The following STXBP5L variants were observed in gnomAD, a reference collection of about 807,000 sequenced individuals.
The protein encoded by STXBP5L is syntaxin binding protein 5L.
A neutral mutation model predicts 144.5 loss-of-function variants in STXBP5L; 65 were observed. The observed-to-expected ratio is 0.45, with a 90% CI of 0.37 to 0.55. The LOEUF is 0.55. Ranked by LOEUF, STXBP5L falls within the 20% of genes least tolerant of loss-of-function variation. The pLI, the probability that STXBP5L is intolerant of heterozygous loss-of-function variation, is 0.00. For missense variants in STXBP5L, 1,298 were observed against 1,405.5 expected, an observed-to-expected ratio of 0.92 and a Z score of 1.22; for synonymous variants, 505 against 469.6, an observed-to-expected ratio of 1.08 and a Z score of -0.97.
intron 19 of STXBP5L, among the ~76,000 whole-genome samples, chr3:121,303,864 C>A (rs1243413520): frequency 6.6e-6 from 1 of 151,638 alleles, no homozygotes; most frequent in Admixed American, 6.6e-5. Flanking sequence ...AACATCACAC[C>A]CCGGGGCCTG....
chr3:121,005,513 C>G (rs1944213906), intron 3 of STXBP5L, among the ~76,000 whole-genome samples: 1 of 152,116 alleles, frequency 6.6e-6, no homozygotes, highest in Admixed American at 6.6e-5. Flanking sequence ...CTCCTGGATT[C>G]ATTGATGTTT....
At chr3:121,074,959 G>T (rs995224669) in intron 5 of STXBP5L, among the ~76,000 whole-genome samples, 40 of 152,086 alleles carry the variant, frequency 2.6e-4, no homozygotes, top group Admixed American at 9.2e-4. Flanking sequence ...TTAGACAATG[G>T]CCCAATCGCT....
chr3:121,265,787 GAT>G (rs2050543793), intron 18 of STXBP5L, among the ~76,000 whole-genome samples: 1 of 151,916 alleles, frequency 6.6e-6, no homozygotes, highest in African/African-American at 2.4e-5. Context: ...TGATAAAGGG[GAT>G]ATCACCTCTA....
intron 10 of STXBP5L, among the ~76,000 whole-genome samples, chr3:121,206,243 A>T (rs1461328734): frequency 6.6e-6 from 1 of 152,196 alleles, no homozygotes; most frequent in Non-Finnish European, 1.5e-5. Flanking sequence ...TATTATACAC[A>T]TTAATTTTAA....
chr3:121,316,736 A>G (rs2043801865), intron 19 of STXBP5L, among the ~76,000 whole-genome samples: 1 of 152,214 alleles, frequency 6.6e-6, no homozygotes, highest in Admixed American at 6.5e-5. Context: ...TCACTGACTC[A>G]ACTTACAGTG....
intron 19 of STXBP5L, among the ~76,000 whole-genome samples, chr3:121,312,916 G>C (rs1003191448): frequency 6.6e-6 from 1 of 152,066 alleles, no homozygotes; most frequent in Non-Finnish European, 1.5e-5. Flanking sequence ...CACCCTTCCC[G>C]CCTTTCTATT....
At chr3:121,199,499 C>A (rs1005719748) in intron 9 of STXBP5L, among the ~76,000 whole-genome samples, 3 of 152,150 alleles carry the variant, frequency 2.0e-5, no homozygotes, top group African/African-American at 4.8e-5. Flanking sequence ...ATTGCCCTGG[C>A]CAGAACTTCT....
intron 20 of STXBP5L, among the ~76,000 whole-genome samples, chr3:121,375,965 A>C (rs2046171474): frequency 6.6e-6 from 1 of 152,198 alleles, no homozygotes; most frequent in African/African-American, 2.4e-5. Flanking sequence ...AATAAGACAT[A>C]CTTTAATGCA....
At chr3:121,048,335 T>G (rs1259531431) in intron 5 of STXBP5L, among the ~76,000 whole-genome samples, 2 of 152,164 alleles carry the variant, frequency 1.3e-5, no homozygotes, top group Non-Finnish European at 2.9e-5. Context: ...GCCATGGTCT[T>G]TTTGTGTAGT....
chr3:121,065,873 T>C (rs1043775059), intron 5 of STXBP5L, among the ~76,000 whole-genome samples: 2 of 152,216 alleles, frequency 1.3e-5, no homozygotes, highest in Admixed American at 1.3e-4. Flanking sequence ...TCATATCCCT[T>C]GCATGTTGTT....
At chr3:121,218,184 TG>T (rs1214811379) in intron 10 of STXBP5L, among the ~76,000 whole-genome samples, 1 of 141,964 alleles carries the variant, frequency 7.0e-6, no homozygotes, top group Non-Finnish European at 1.5e-5. Flanking sequence ...ATATATAGTA[TG>T]ATATAGTATA....
intron 23 of STXBP5L, among the ~76,000 whole-genome samples, chr3:121,408,874 T>C (rs6438625): frequency 0.59 from 89,746 of 151,610 alleles, 27,641 homozygotes; most frequent in East Asian, 0.89. Context: ...TTGTTAAATC[T>C]CGAGGTTAGA....
rs1948171316 is a variant in STXBP5L, at chr3:121,053,274, C to G, written c.470+7739C>G. ...GTTCATATGGAGCCAAAAAAATCCC[C>G]CATTGCCAAGTCAATCCTAAGCCAA... On this transcript the variant is annotated intron_variant, in intron 5 of 26. Transcript: ENST00000471454. Among the ~76,000 whole-genome samples, 3 of 152,040 alleles carry G rather than the reference C, an allele frequency of 2.0e-5. No individual in the cohort carries two copies. In the South Asian group the frequency reaches 6.2e-4, roughly 32 times the overall value.
At chr3:121,094,679 A>G (rs1400392257) in intron 5 of STXBP5L, among the ~76,000 whole-genome samples, 1 of 152,024 alleles carries the variant, frequency 6.6e-6, no homozygotes, top group Non-Finnish European at 1.5e-5. Flanking sequence ...TGCACGTGAG[A>G]TGGTTTTCCT....
At chr3:121,141,428 T>C (rs1406441246) in intron 7 of STXBP5L, among the ~76,000 whole-genome samples, 1 of 151,964 alleles carries the variant, frequency 6.6e-6, no homozygotes, top group Admixed American at 6.6e-5. Flanking sequence ...GTAAAACTTA[T>C]TGCTAAGGGT....
chr3:121,413,354 C>G (rs1273050461), intron 24 of STXBP5L, 31 bp downstream of exon 24: 7 of 1,504,976 alleles, frequency 4.7e-6, no homozygotes, highest in Non-Finnish European at 6.2e-6. Flanking sequence ...ATGAAAAAGA[C>G]ATTGGACATG....
At chr3:121,074,291 C>T (rs1466926406) in intron 5 of STXBP5L, among the ~76,000 whole-genome samples, 1 of 152,164 alleles carries the variant, frequency 6.6e-6, no homozygotes, top group Non-Finnish European at 1.5e-5. Flanking sequence ...TTCACCCAAG[C>T]ATTGTATATG....
chr3:121,169,930 G>A (rs141779862), intron 9 of STXBP5L, among the ~76,000 whole-genome samples: 1,561 of 152,176 alleles, frequency 0.01, 11 homozygotes, highest in Middle Eastern at 0.017. Flanking sequence ...TTCTAAAATT[G>A]ACCACATAAT....
At chr3:121,125,345 G>A (rs987484186) in intron 7 of STXBP5L, among the ~76,000 whole-genome samples, 8 of 151,894 alleles carry the variant, frequency 5.3e-5, no homozygotes, top group African/African-American at 9.7e-5. Flanking sequence ...GGTGGCATGC[G>A]CCTGTAGTCC....
Sources: allele counts gnomAD v4.1 joint callset (sites outside exome capture counted in the v4.1 genomes callset), GRCh38; gene constraint gnomAD v4.1.1; transcripts MANE v1.5; gene names NCBI Gene and HGNC (gene_info 2026-07-23, HGNC 2026-07-21).